Variants in PPM1L observed in about 807,000 individuals in gnomAD.
The protein encoded by PPM1L is protein phosphatase 1L.
PPM1L carries 13 observed loss-of-function variants against 31.4 expected under a neutral mutation model. The observed-to-expected ratio is 0.41, with a 90% CI of 0.27 to 0.66. The LOEUF (loss-of-function observed/expected upper bound fraction) is 0.66. Among genes scored for constraint, PPM1L ranks in the 30% least tolerant of loss-of-function variants. The probability of loss-of-function intolerance (pLI) is 0.29; values close to 1 mark genes in which losing one functional copy is unlikely to be tolerated. For missense variants in PPM1L, 326 were observed against 453.7 expected (o/e 0.72, Z 2.56); for synonymous variants, 184 against 175.4 (o/e 1.05, Z -0.39).
At chr3:160,926,659 AGGG>A (rs1714603777) in intron 1 of PPM1L, among the ~76,000 whole-genome samples, 1 of 152,182 alleles carries the variant, frequency 6.6e-6, no homozygotes, top group Non-Finnish European at 1.5e-5. Flanking sequence ...CTGATTAAGT[AGGG>A]GGATGTTTGT....
At chr3:160,794,791 G>T (rs1221839153) in intron 1 of PPM1L, among the ~76,000 whole-genome samples, 1 of 152,122 alleles carries the variant, frequency 6.6e-6, no homozygotes, top group Non-Finnish European at 1.5e-5. Flanking sequence ...AAAAAAAATC[G>T]CAAGAAAATC....
At chr3:160,834,019 ATTTTTT>A (rs78707253) in intron 1 of PPM1L, among the ~76,000 whole-genome samples, 1 of 128,754 alleles carries the variant, frequency 7.8e-6, no homozygotes. Flanking sequence ...TCTCCCAGGA[ATTTTTT>A]TTTTTTTTTT....
chr3:160,877,285 C>T (rs989097866), intron 1 of PPM1L, among the ~76,000 whole-genome samples: 16 of 152,108 alleles, frequency 1.1e-4, no homozygotes, highest in Non-Finnish European at 2.2e-4. Context: ...TTGGCTTTTG[C>T]CATTTTTGGA....
intron 1 of PPM1L, among the ~76,000 whole-genome samples, chr3:160,923,299 T>C (rs1714476417): frequency 6.6e-6 from 1 of 152,202 alleles, no homozygotes; most frequent in South Asian, 2.1e-4. Context: ...GAGTCACGTG[T>C]TATAGAAACC....
intron 3 of PPM1L, 57 bp downstream of exon 3, chr3:161,065,621 C>A: frequency 6.4e-7 from 1 of 1,556,548 alleles, no homozygotes; most frequent in Non-Finnish European, 8.8e-7. Context: ...AACAAGGCGG[C>A]TTGCTTGGAG....
intron 1 of PPM1L, among the ~76,000 whole-genome samples, chr3:160,774,664 T>C (rs79776280): frequency 0.015 from 2,334 of 152,308 alleles, 62 homozygotes; most frequent in African/African-American, 0.054. Flanking sequence ...ACTGAATACC[T>C]GATGGATACA....
chr3:160,821,009 T>G (rs980976026), intron 1 of PPM1L, among the ~76,000 whole-genome samples: 2 of 152,106 alleles, frequency 1.3e-5, no homozygotes, highest in Non-Finnish European at 2.9e-5. Flanking sequence ...TACCCCCATT[T>G]GTAGTGCAAG....
At chr3:160,830,291 A>T (rs376293465) in intron 1 of PPM1L, among the ~76,000 whole-genome samples, 2 of 152,170 alleles carry the variant, frequency 1.3e-5, no homozygotes, top group African/African-American at 2.4e-5. Context: ...AATCTTACCA[A>T]GGAAGGGTTG....
intron 1 of PPM1L, among the ~76,000 whole-genome samples, chr3:160,920,067 G>T (rs892180236): frequency 3.9e-4 from 59 of 152,068 alleles, no homozygotes; most frequent in African/African-American, 1.4e-3. Context: ...TGGTCACCAT[G>T]GCTCCTTCTA....
chr3:160,896,919 T>C (rs887955265), intron 1 of PPM1L, among the ~76,000 whole-genome samples: 1 of 152,202 alleles, frequency 6.6e-6, no homozygotes, highest in Non-Finnish European at 1.5e-5. Context: ...TGTTAATCTT[T>C]GGGTGCTTCC....
intron 1 of PPM1L, among the ~76,000 whole-genome samples, chr3:160,782,025 A>G (rs1177980070): frequency 1.3e-5 from 2 of 152,330 alleles, no homozygotes; most frequent in East Asian, 1.9e-4. Context: ...CATAAAATTC[A>G]CCACTTTAAA....
At chr3:160,928,451 G>A (rs1714673000) in intron 1 of PPM1L, among the ~76,000 whole-genome samples, 1 of 152,178 alleles carries the variant, frequency 6.6e-6, no homozygotes, top group Non-Finnish European at 1.5e-5. Context: ...CATCCTGACA[G>A]GCGTTTTTCT....
At chr3:161,026,145 A>C (rs1718382613) in intron 2 of PPM1L, among the ~76,000 whole-genome samples, 1 of 152,232 alleles carries the variant, frequency 6.6e-6, no homozygotes, top group South Asian at 2.1e-4. Context: ...TGTAGTTTAC[A>C]TTCAAACATT....
At chr3:160,952,014 TTGC>T (rs1319393280) in intron 1 of PPM1L, among the ~76,000 whole-genome samples, 4 of 152,222 alleles carry the variant, frequency 2.6e-5, no homozygotes, top group Non-Finnish European at 5.9e-5. Flanking sequence ...GGAATCACAT[TTGC>T]CTTCTTGAGG....
intron 2 of PPM1L, among the ~76,000 whole-genome samples, chr3:161,034,664 G>A (rs999125053): frequency 6.6e-6 from 1 of 151,750 alleles, no homozygotes; most frequent in Non-Finnish European, 1.5e-5. Context: ...GACACACAGA[G>A]GGGACCATCA....
chr3:161,021,889 G>C (rs879356165), intron 2 of PPM1L, among the ~76,000 whole-genome samples: 1 of 151,598 alleles, frequency 6.6e-6, no homozygotes, highest in Non-Finnish European at 1.5e-5. Flanking sequence ...ACATATTTGT[G>C]CCATTGGATC....
intron 2 of PPM1L, among the ~76,000 whole-genome samples, chr3:161,044,122 C>T (rs1718988223): frequency 6.6e-6 from 1 of 152,102 alleles, no homozygotes; most frequent in African/African-American, 2.4e-5. Flanking sequence ...TCACTGCAAC[C>T]TCTGCCTCCT....
intron 1 of PPM1L, among the ~76,000 whole-genome samples, chr3:160,905,784 A>G (rs1215321613): frequency 5.3e-5 from 8 of 152,140 alleles, no homozygotes; most frequent in Non-Finnish European, 1.0e-4. Context: ...TTAAAATTCT[A>G]GTATTGGTTG....
chr3:160,767,295 A>T (rs548707785), intron 1 of PPM1L, among the ~76,000 whole-genome samples: 1 of 150,632 alleles, frequency 6.6e-6, no homozygotes, highest in East Asian at 2.0e-4. Context: ...GTGCAGTGGC[A>T]CCATCTCGGT....
Sources: gnomAD v4.1 joint callset for allele counts (sites outside exome capture counted in the v4.1 genomes callset) on GRCh38, gnomAD v4.1.1 for gene constraint, MANE v1.5 for transcripts, NCBI Gene and HGNC (gene_info 2026-07-23, HGNC 2026-07-21) for gene names.